POLR3A: variants seen among roughly 807,000 people sequenced by gnomAD.
POLR3A encodes the protein DNA-directed RNA polymerase III subunit RPC1.
A neutral mutation model predicts 152.8 loss-of-function variants in POLR3A; 112 were observed. That is an observed-to-expected ratio of 0.73 (90% confidence interval 0.63 to 0.86). POLR3A has a LOEUF of 0.86. Ranked by LOEUF, POLR3A falls within the 40% of genes least tolerant of loss-of-function variation. The probability of loss-of-function intolerance (pLI) is 0.00; values close to 1 mark genes in which losing one functional copy is unlikely to be tolerated. For missense variants in POLR3A, 1,385 were observed against 1,743.1 expected (o/e 0.79, Z 3.66); for synonymous variants, 615 against 652.1 (o/e 0.94, Z 0.87).
At chr10:78,022,513 G>T in intron 5 of POLR3A, 129 bp from the exon 6 acceptor site, 1 of 968,790 alleles carries the variant, frequency 1.0e-6, no homozygotes, top group Non-Finnish European at 1.6e-6. Context: ...GATTTCTATG[G>T]ATGATACGCT....
intron 26 of POLR3A, 40 bp from the exon 27 acceptor site, chr10:77,982,857 T>A (rs769727794): frequency 6.4e-5 from 103 of 1,600,034 alleles, no homozygotes; most frequent in Middle Eastern, 1.7e-4. Context: ...GATTCCAGTG[T>A]TGTTCTTCGT....
chr10:78,024,099 C>T (rs1349741871), intron 5 of POLR3A, among the ~76,000 whole-genome samples: 1 of 152,126 alleles, frequency 6.6e-6, no homozygotes, highest in Non-Finnish European at 1.5e-5. Flanking sequence ...TGTGGTGGCT[C>T]ATACCTGTAA....
In POLR3A at chr10:78,001,032, G is replaced by A. The variant is rs750874617; in HGVS notation, c.2422C>T (p.Arg808Ter). Residue 808 changes from arginine (R) to a stop codon, truncating the protein, a stop_gained, in exon 18 of 31, where the codon CGA becomes TGA. Transcript: ENST00000372371. LOFTEE classifies it high-confidence loss of function. ...CVGQQAISGS[R>*]VPDGFENRSL... ...CTGTTTTCAAAGCCGTCTGGCACTC[G>A]AGAGCCACTGATGGCCTGCTGTCCC... 8.7e-6 allele frequency: 14 copies of A among 1,612,222 alleles called. No homozygotes were observed. The highest frequency in any genetic ancestry group is 2.2e-5 in the East Asian group (1 of 44,874).
chr10:78,003,786 G>T (rs1470344555), intron 16 of POLR3A, among the ~76,000 whole-genome samples: 1 of 152,008 alleles, frequency 6.6e-6, no homozygotes, highest in African/African-American at 2.4e-5. Flanking sequence ...AAATTAGCTG[G>T]GCATGGTGGT....
chr10:78,019,174 G>A lies in POLR3A; in HGVS notation c.1277C>T (p.Thr426Met), dbSNP rs768303077. 2.0e-5 allele frequency: 33 copies of A among 1,610,360 alleles called. No homozygotes were observed. Among genetic ancestry groups the A allele is most frequent in the Middle Eastern group, 1.6e-4 (1 of 6,078 alleles). ...GGGAAAAGATTACCTTTTCATCTGC[G>A]TATGTCTCTGCTGAATGAAGTTTGC... ...PGANFIQQRH[T>M]QMKRFLKYGN... is the part of the protein sequence containing the mutation. The change falls in exon 9 of 31, where the codon ACG becomes ATG. Residue 426 changes from threonine to methionine, a missense_variant. This residue lies in a region of POLR3A where 493 missense variants were observed against 647.5 expected (regional missense o/e 0.76). Transcript: ENST00000372371.
intron 5 of POLR3A, among the ~76,000 whole-genome samples, chr10:78,023,297 C>A (rs1382535115): frequency 6.6e-6 from 1 of 150,392 alleles, no homozygotes; most frequent in Non-Finnish European, 1.5e-5. Context: ...CCTGTCTCTA[C>A]AAAAGTACAA....
Position 78,022,330 on chromosome 10 carries a change from C to T in POLR3A, c.700G>A (p.Asp234Asn), listed in dbSNP as rs200561466. 3.1e-6 allele frequency: 5 copies of T among 1,614,060 alleles called. No homozygotes were observed. Among genetic ancestry groups the T allele is most frequent in the Non-Finnish European group, 4.2e-6 (5 of 1,179,968 alleles). ...LNLFKRIPAEDVPLLLMNPEA... is the reference protein window; with the variant it reads ...LNLFKRIPAENVPLLLMNPEA... ...GGGTTCATCAGAAGTAGAGGAACAT[C>T]TTCAGCTGGGATTCGTTTAAATAAA... The change falls in exon 6 of 31, where the codon GAT becomes AAT. Residue 234 changes from aspartate to asparagine, a missense_variant. Around this residue, in one of 7 missense-constraint regions of POLR3A, gnomAD observed 493 missense variants for 647.5 expected, o/e 0.76. Coordinates refer to ENST00000372371, the MANE Select transcript of POLR3A (RefSeq NM_007055.4).
At chr10:78,014,451 C>T (rs188047392) in intron 10 of POLR3A, among the ~76,000 whole-genome samples, 61 of 152,236 alleles carry the variant, frequency 4.0e-4, no homozygotes, top group African/African-American at 1.4e-3. Context: ...TAGTCTCACT[C>T]TGTTGTCCTG....
At chr10:78,022,457 A>G (rs995346895) in intron 5 of POLR3A, 73 bp from the exon 6 acceptor site, 1 of 1,515,506 alleles carries the variant, frequency 6.6e-7, no homozygotes. Context: ...GTTTTCCTTC[A>G]CTATGTTTTC....
Position 77,985,160 on chromosome 10 carries a change from A to G in POLR3A, c.3242+10T>C. On this transcript the variant is annotated intron_variant, in intron 24 of 30. Transcript: ENST00000372371. Reference sequence around the variant, plus strand: ...CATGTGTGGAACAAGAAGGAAATGAAAGCAGGCACCTGATGGCCTTGGAAG... The same window carrying G: ...CATGTGTGGAACAAGAAGGAAATGAGAGCAGGCACCTGATGGCCTTGGAAG... 1 of 1,611,766 alleles carries G rather than the reference A, an allele frequency of 6.2e-7. No individual in the cohort carries two copies. The highest frequency in any genetic ancestry group is 8.5e-7 in the Non-Finnish European group (1 of 1,177,774).
chr10:77,982,036 CT>C, intron 28 of POLR3A, 117 bp downstream of exon 28: 1 of 532,028 alleles, frequency 1.9e-6, no homozygotes, highest in Non-Finnish European at 2.9e-6. Context: ...AAGACTCCAT[CT>C]CAAAAAAAAA....
intron 28 of POLR3A, 150 bp downstream of exon 28, chr10:77,982,004 A>T (rs1308960626): frequency 4.8e-6 from 3 of 623,092 alleles, no homozygotes; most frequent in Non-Finnish European, 8.0e-6. Flanking sequence ...ACGCCACTGC[A>T]CTCCAGCCTG....
intron 16 of POLR3A, among the ~76,000 whole-genome samples, chr10:78,003,696 G>A (rs575277628): frequency 1.1e-4 from 17 of 152,112 alleles, no homozygotes; most frequent in Admixed American, 3.9e-4. Context: ...GCCGAGGTGG[G>A]TGGATCACCT....
intron 1 of POLR3A, among the ~76,000 whole-genome samples, chr10:78,027,137 G>T (rs1034969961): frequency 6.6e-6 from 1 of 152,182 alleles, no homozygotes; most frequent in Non-Finnish European, 1.5e-5. Context: ...ACGTTGCATG[G>T]TCAGAAAGCC....
intron 21 of POLR3A, among the ~76,000 whole-genome samples, chr10:77,986,680 A>T (rs1288747735): frequency 6.6e-6 from 1 of 152,080 alleles, no homozygotes; most frequent in Non-Finnish European, 1.5e-5. Flanking sequence ...CACTCCCCAA[A>T]CCCAGCTTAT....
rs1291707421 is a variant in POLR3A at position 78,013,659 on chromosome 10, A to T, written c.1563T>A (p.Val521=). Reference sequence around the variant, plus strand: ...GTGCCACCCTACATACCCCCATCAGAACAAGGGCCTCTGCTTTAGCTTCTT... The same window carrying T: ...GTGCCACCCTACATACCCCCATCAGTACAAGGGCCTCTGCTTTAGCTTCTT... The part of the protein sequence containing the change: ...QTEEAKAEAL[V]LMGTKANLVT... The change falls in exon 11 of 31, where the codon GTT becomes GTA. Residue 521 remains valine, a synonymous_variant. Transcript: ENST00000372371. The T allele has an allele frequency of 6.2e-7, 1 of 1,614,068 alleles. No individual in the cohort carries two copies. Among genetic ancestry groups the T allele is most frequent in the South Asian group, 1.1e-5 (1 of 91,072 alleles).
At chr10:77,988,868 C>T (rs1231142047) in intron 21 of POLR3A, among the ~76,000 whole-genome samples, 1 of 152,154 alleles carries the variant, frequency 6.6e-6, no homozygotes, top group Non-Finnish European at 1.5e-5. Flanking sequence ...GCTGCCTTAC[C>T]TGTTGGCACA....
Position 78,001,063 on chromosome 10 carries a change from G to T in POLR3A, c.2391C>A (p.Ala797=). ...GSFINISQMI[A]CVGQQAISGS... ...CACTGATGGCCTGCTGTCCCACACAGGCAATCATCTGTGATATGTTAATGA... is the reference window on the plus strand; with the variant it reads ...CACTGATGGCCTGCTGTCCCACACATGCAATCATCTGTGATATGTTAATGA... The change falls in exon 18 of 31, where the codon GCC becomes GCA. Residue 797 remains alanine, a synonymous_variant. Transcript: ENST00000372371. The T allele has an allele frequency of 6.2e-7, 1 of 1,608,920 alleles. No individual in the cohort carries two copies. Among genetic ancestry groups the T allele is most frequent in the South Asian group, 1.1e-5 (1 of 90,936 alleles).
chr10:78,004,408 CG>C (rs918755607), intron 16 of POLR3A, among the ~76,000 whole-genome samples: 1 of 152,116 alleles, frequency 6.6e-6, no homozygotes, highest in African/African-American at 2.4e-5. Flanking sequence ...AGAGCAGCCT[CG>C]TGTGGCCGAA....
Sources: allele counts gnomAD v4.1 joint callset (sites outside exome capture counted in the v4.1 genomes callset), GRCh38; gene constraint gnomAD v4.1.1; regional missense constraint gnomAD v4.1.1; transcripts MANE v1.5; gene names NCBI Gene and HGNC (gene_info 2026-07-23, HGNC 2026-07-21).